The following DIAPH3 variants were observed in gnomAD, a reference collection of about 807,000 sequenced individuals.
DIAPH3 encodes diaphanous related formin 3.
A neutral mutation model predicts 144.3 loss-of-function variants in DIAPH3; 117 were observed. The observed-to-expected ratio is 0.81, with a 90% CI of 0.70 to 0.95. The LOEUF (loss-of-function observed/expected upper bound fraction) is 0.95. Ranked by LOEUF, DIAPH3 falls within the 40% of genes least tolerant of loss-of-function variation. The probability of loss-of-function intolerance (pLI) is 0.00; values close to 1 mark genes in which losing one functional copy is unlikely to be tolerated. For synonymous variants in DIAPH3, 519 were observed against 488.9 expected (o/e 1.06, Z -0.81); for missense variants, 1,421 against 1,412.7 (o/e 1.01, Z -0.09).
In DIAPH3 at chr13:59,729,861, G is replaced by C. The variant is rs867500113; in HGVS notation, c.3319+44328C>G. On this transcript the variant is annotated intron_variant, in intron 27 of 27. Transcript: ENST00000400324. ...GGGTCTTGCTCTGTTGACCAGGCTG[G>C]AGTGCAGTGGTGTGATCTTGGCTCA... is the stretch of plus-strand genomic sequence containing the variant. Among the ~76,000 whole-genome samples, 4 of 144,608 alleles carry C rather than the reference G, an allele frequency of 2.8e-5. No individual in the cohort carries two copies. In the South Asian group the frequency reaches 6.7e-4, roughly 24 times the overall value. 94.9% of individuals were successfully genotyped at this position (144,608 alleles called of 152,430 possible). A position where few individuals can be genotyped will look rare whatever the true frequency, so the allele number is the denominator to read the frequency against.
chr13:59,798,729 C>T (rs560857578), intron 25 of DIAPH3, among the ~76,000 whole-genome samples: 2 of 152,312 alleles, frequency 1.3e-5, no homozygotes, highest in South Asian at 4.1e-4. Context: ...CATTCTTAGG[C>T]TCTGAACAGA....
chr13:60,050,232 T>C (rs1305107950), intron 4 of DIAPH3, among the ~76,000 whole-genome samples: 2 of 152,120 alleles, frequency 1.3e-5, no homozygotes, highest in Non-Finnish European at 2.9e-5. Flanking sequence ...ATATCACTTG[T>C]GCAGAGACCA....
chr13:59,897,436 G>C (rs892958261), intron 20 of DIAPH3, among the ~76,000 whole-genome samples: 1 of 152,212 alleles, frequency 6.6e-6, no homozygotes, highest in African/African-American at 2.4e-5. Flanking sequence ...TTAATGTAAA[G>C]TGGAATATAG....
At chr13:59,717,710 T>G (rs1309681210) in intron 27 of DIAPH3, among the ~76,000 whole-genome samples, 2 of 152,124 alleles carry the variant, frequency 1.3e-5, no homozygotes, top group African/African-American at 4.8e-5. Flanking sequence ...GAAATCCACC[T>G]CAACATTGTT....
At chr13:59,877,860 G>A (rs967091251) in intron 21 of DIAPH3, among the ~76,000 whole-genome samples, 1 of 151,930 alleles carries the variant, frequency 6.6e-6, no homozygotes, top group Non-Finnish European at 1.5e-5. Flanking sequence ...GGAAGCTGCT[G>A]ACTCCTGCTT....
At chr13:59,972,223 C>T (rs1215341263) in intron 15 of DIAPH3, among the ~76,000 whole-genome samples, 4 of 152,144 alleles carry the variant, frequency 2.6e-5, no homozygotes, top group Admixed American at 1.3e-4. Flanking sequence ...ACCTAAAAGA[C>T]TGCTTTGCAG....
At chr13:60,073,548 C>T (rs1258341548) in intron 4 of DIAPH3, among the ~76,000 whole-genome samples, 1 of 152,122 alleles carries the variant, frequency 6.6e-6, no homozygotes, top group Admixed American at 6.5e-5. Context: ...TAAAATCATA[C>T]TTTTCATATA....
chr13:59,912,161 C>T (rs1187983947), intron 19 of DIAPH3, among the ~76,000 whole-genome samples: 1 of 152,142 alleles, frequency 6.6e-6, no homozygotes, highest in Admixed American at 6.5e-5. Context: ...TGATCCATTA[C>T]ATTTCAGCTT....
chr13:60,005,708 C>G (rs1175839506), intron 9 of DIAPH3, among the ~76,000 whole-genome samples: 1 of 152,088 alleles, frequency 6.6e-6, no homozygotes, highest in South Asian at 2.1e-4. Flanking sequence ...GTCTCGATCT[C>G]CTGACCTCAT....
At chr13:60,109,425 G>A (rs1443927805) in intron 3 of DIAPH3, among the ~76,000 whole-genome samples, 4 of 49,522 alleles carry the variant, frequency 8.1e-5, no homozygotes, top group African/African-American at 1.7e-4. Flanking sequence ...TCCCTCCCCC[G>A]ACCCCAATCT....
At chr13:59,982,999 T>C (rs1450972579) in intron 13 of DIAPH3, among the ~76,000 whole-genome samples, 1 of 151,456 alleles carries the variant, frequency 6.6e-6, no homozygotes, top group Non-Finnish European at 1.5e-5. Flanking sequence ...AACTCAAATT[T>C]TCTCATTGGC....
At chr13:60,058,894 A>G (rs1422632417) in intron 4 of DIAPH3, among the ~76,000 whole-genome samples, 3 of 152,030 alleles carry the variant, frequency 2.0e-5, no homozygotes, top group Non-Finnish European at 4.4e-5. Context: ...ATACTGGAGG[A>G]TGAAAAATTA....
intron 27 of DIAPH3, among the ~76,000 whole-genome samples, chr13:59,707,032 G>C (rs899477047): frequency 1.3e-5 from 2 of 152,034 alleles, no homozygotes; most frequent in African/African-American, 4.8e-5. Context: ...CAGTTATTGT[G>C]GCAATAATTT....
intron 5 of DIAPH3, among the ~76,000 whole-genome samples, chr13:60,041,066 G>A (rs1433191535): frequency 1.3e-5 from 2 of 150,790 alleles, no homozygotes; most frequent in Non-Finnish European, 3.0e-5. Flanking sequence ...CACCTGCCCC[G>A]ACCTCCCAAA....
chr13:59,669,451 C>A (rs997752480), intron 27 of DIAPH3, among the ~76,000 whole-genome samples: 1 of 152,152 alleles, frequency 6.6e-6, no homozygotes, highest in Admixed American at 6.5e-5. Flanking sequence ...CCTGCACGTG[C>A]CTCACCCCTT....
intron 27 of DIAPH3, among the ~76,000 whole-genome samples, chr13:59,773,036 T>A (rs975102057): frequency 2.0e-5 from 3 of 152,240 alleles, no homozygotes; most frequent in Admixed American, 2.0e-4. Flanking sequence ...CATTGTAAAA[T>A]ATGTCACAAT....
At chr13:60,158,286 A>G (rs1231781570) in intron 1 of DIAPH3, among the ~76,000 whole-genome samples, 1 of 152,198 alleles carries the variant, frequency 6.6e-6, no homozygotes, top group East Asian at 1.9e-4. Context: ...CAGAGCAAAG[A>G]CATCTTTCTC....
intron 27 of DIAPH3, among the ~76,000 whole-genome samples, chr13:59,722,771 C>G (rs2035407145): frequency 6.6e-6 from 1 of 152,116 alleles, no homozygotes; most frequent in Non-Finnish European, 1.5e-5. Flanking sequence ...CAGCAGCTTC[C>G]CAATTCAGCA....
intron 24 of DIAPH3, among the ~76,000 whole-genome samples, chr13:59,827,841 C>T (rs2041534146): frequency 6.6e-6 from 1 of 151,982 alleles, no homozygotes; most frequent in African/African-American, 2.4e-5. Flanking sequence ...TAGGTTTAAA[C>T]TCAATGGACA....
Sources: allele counts gnomAD v4.1 joint callset (sites outside exome capture counted in the v4.1 genomes callset), GRCh38; gene constraint gnomAD v4.1.1; transcripts MANE v1.5; gene names NCBI Gene and HGNC (gene_info 2026-07-23, HGNC 2026-07-21).